GLYATL1B: variants seen among roughly 807,000 people sequenced by gnomAD.
GLYATL1B encodes the protein glycine-N-acyltransferase like 1B.
Under a neutral mutation model 5.5 loss-of-function variants are expected in GLYATL1B, and 6 were observed. The ratio of observed to expected loss-of-function variants is 1.09; its 90% CI spans 0.60 to 2.15. The LOEUF is 2.15. Ranked by LOEUF, GLYATL1B falls within the 30% of genes most tolerant of loss-of-function variation. The pLI, the probability that GLYATL1B is intolerant of heterozygous loss-of-function variation, is 0.00. For synonymous variants in GLYATL1B, 67 were observed against 34.9 expected (o/e 1.92, Z -3.24); for missense variants, 135 against 94.1 (o/e 1.43, Z -1.80).
intron 2 of GLYATL1B, among the ~76,000 whole-genome samples, chr11:59,089,115 A>G (rs1340631522): frequency 1.3e-5 from 2 of 152,170 alleles, no homozygotes; most frequent in Non-Finnish European, 2.9e-5. Flanking sequence ...TTCAGTTATG[A>G]TCTCTTCTGT....
At chr11:59,087,291 C>G in intron 2 of GLYATL1B, 120 bp downstream of exon 2, 1 of 432,590 alleles carries the variant, frequency 2.3e-6, no homozygotes, top group Non-Finnish European at 4.1e-6. Flanking sequence ...TTTTAAAACA[C>G]TCCTTCAGTA....
chr11:59,086,495 G>T (rs1859198081), intron 1 of GLYATL1B, 111 bp downstream of exon 1: 4 of 394,846 alleles, frequency 1.0e-5, no homozygotes, highest in Admixed American at 4.4e-5. Context: ...TTGGAGCTGG[G>T]AAACAGGATG....
At chr11:59,086,942 T>C in intron 1 of GLYATL1B, 122 bp from the exon 2 acceptor site, 1 of 436,024 alleles carries the variant, frequency 2.3e-6, no homozygotes, top group Non-Finnish European at 4.0e-6. Context: ...GCTGTTCATC[T>C]CATCATCACT....
chr11:59,088,572 G>C (rs538673470), intron 2 of GLYATL1B, among the ~76,000 whole-genome samples: 1 of 152,128 alleles, frequency 6.6e-6, no homozygotes, highest in African/African-American at 2.4e-5. Context: ...AGTGTCATAC[G>C]CTAAATAACT....
chr11:59,090,673 T>C (rs116553245), intron 2 of GLYATL1B, among the ~76,000 whole-genome samples: 2,422 of 152,190 alleles, frequency 0.016, 63 homozygotes, highest in African/African-American at 0.056. Flanking sequence ...GGGTGTTATT[T>C]GTTTTTGTTT....
At chr11:59,093,091 C>T (rs1446180844) in intron 2 of GLYATL1B, among the ~76,000 whole-genome samples, 2 of 152,138 alleles carry the variant, frequency 1.3e-5, no homozygotes, top group African/African-American at 4.8e-5. Context: ...GTATATATAA[C>T]AGGGGGATAT....
chr11:59,091,501 C>T (rs1395318164), intron 2 of GLYATL1B, among the ~76,000 whole-genome samples: 6 of 152,166 alleles, frequency 3.9e-5, no homozygotes, highest in Non-Finnish European at 8.8e-5. Flanking sequence ...CCTTTCCCTC[C>T]ACCCTCTAGA....
Position 59,094,451 on chromosome 11 carries a change from A to G in GLYATL1B, c.574A>G (p.Lys192Glu). The change falls in exon 5 of 5, where the codon AAG (lysine) becomes GAG (glutamate). Residue 192 changes from lysine (K) to glutamate (E), a missense_variant. Coordinates refer to ENST00000527482, the MANE Select transcript of GLYATL1B (RefSeq NM_001355566.1). ...TGACAACTGGAAGCTAGGGATGAAT[A>G]AGAGGAGCCTGCGTTACATCAAGCG... ...VNDNWKLGMN[K>E]RSLRYIKRCL... 2.8e-6 allele frequency: 2 copies of G among 702,868 alleles called. No homozygotes were observed. Among genetic ancestry groups the G allele is most frequent in the Non-Finnish European group, 5.2e-6 (2 of 384,648 alleles). The allele number at this position is 702,868 out of a possible 1,614,324, so 43.5% of individuals were successfully genotyped here. A position where few individuals can be genotyped will look rare whatever the true frequency, so the allele number is the denominator to read the frequency against.
At position 59,092,523 on chromosome 11, in the gene GLYATL1B, A is replaced by C. The variant is rs531801793; in HGVS notation, c.187-1006A>C. 2.6e-5 allele frequency among the ~76,000 whole-genome samples: 4 copies of C among 152,328 alleles called. No homozygotes were observed. The East Asian group carries it at 7.7e-4, about 29-fold the overall frequency. On this transcript the variant is annotated intron_variant, in intron 2 of 4. Transcript: ENST00000527482. ...CTTGCATTTATAAAAGCATCCTCAA[A>C]TTCTTGAAGGTTTCTTTAAAATTAG... is the stretch of plus-strand genomic sequence containing the variant.
chr11:59,090,388 T>C (rs1859283480), intron 2 of GLYATL1B, among the ~76,000 whole-genome samples: 1 of 152,060 alleles, frequency 6.6e-6, no homozygotes, highest in Non-Finnish European at 1.5e-5. Flanking sequence ...AATATTTTTG[T>C]GATACTAAAT....
intron 1 of GLYATL1B, among the ~76,000 whole-genome samples, 172 bp downstream of exon 1, chr11:59,086,556 C>T (rs1590869335): frequency 1.3e-5 from 2 of 152,034 alleles, no homozygotes; most frequent in Non-Finnish European, 2.9e-5. Context: ...TCCTCGGCAA[C>T]AGGCAACTAG....
intron 2 of GLYATL1B, among the ~76,000 whole-genome samples, chr11:59,088,153 A>C (rs2135381488): frequency 6.6e-6 from 1 of 152,334 alleles, no homozygotes; most frequent in East Asian, 1.9e-4. Flanking sequence ...AAATGGGAAA[A>C]ATAGGAGGAC....
At chr11:59,092,661 C>T (rs762425231) in intron 2 of GLYATL1B, among the ~76,000 whole-genome samples, 4 of 152,214 alleles carry the variant, frequency 2.6e-5, no homozygotes, top group Non-Finnish European at 5.9e-5. Flanking sequence ...AACAGATACT[C>T]ATCGTCCCAT....
At chr11:59,088,686 T>C (rs371012982) in intron 2 of GLYATL1B, among the ~76,000 whole-genome samples, 1 of 152,340 alleles carries the variant, frequency 6.6e-6, no homozygotes, top group South Asian at 2.1e-4. Context: ...TATGCATTGC[T>C]TTGAACAAGG....
chr11:59,086,359 C>A lies in GLYATL1B; in HGVS notation c.53C>A (p.Ala18Glu), dbSNP rs1381283319. The A allele has an allele frequency of 1.0e-5, 4 of 398,846 alleles. No homozygotes were observed. Among genetic ancestry groups the A allele is most frequent in the Non-Finnish European group, 1.8e-5 (4 of 225,860 alleles). 24.7% of individuals were successfully genotyped at this position (398,846 alleles called of 1,614,324 possible). The change falls in exon 1 of 5, where the codon GCA (alanine) becomes GAA (glutamate). Residue 18 changes from alanine to glutamate, a missense_variant. Physicochemically the swap from Ala to Glu is moderately radical, Grantham distance 107. Transcript: ENST00000527482. Reference protein sequence around the residue: ...ERLLALFKSLARSIPESLKVY... With the variant: ...ERLLALFKSLERSIPESLKVY... ...CTGCTGGCCCTATTCAAATCTTTAG[C>A]AAGGAGCATTCCTGAGTCCCTGAAG...
chr11:59,092,482 T>C lies in GLYATL1B; in HGVS notation c.187-1047T>C, dbSNP rs1859336283. Among the ~76,000 whole-genome samples the C allele has an allele frequency of 2.0e-5, 3 of 152,342 alleles. 1 individual carries two copies. The South Asian group carries it at 6.2e-4, about 32-fold the overall frequency. ...TTAAATTCACTGAGGTGTTGTGTTT[T>C]GGCCATATTCAGGAACTTGCATTTA... On this transcript the variant is annotated intron_variant, in intron 2 of 4. Coordinates refer to ENST00000527482, the MANE Select transcript of GLYATL1B (RefSeq NM_001355566.1).
chr11:59,094,384 T>C lies in GLYATL1B; in HGVS notation c.507T>C (p.Phe169=). 1 of 561,292 alleles carries C rather than the reference T, an allele frequency of 1.8e-6. No individual in the cohort carries two copies. The highest frequency in any genetic ancestry group is 3.4e-5 in the South Asian group (1 of 29,458). 34.8% of individuals were successfully genotyped at this position (561,292 alleles called of 1,614,324 possible). A position where few individuals can be genotyped will look rare whatever the true frequency, so the allele number is the denominator to read the frequency against. The stretch of plus-strand genomic sequence containing the variant: ...TTTTCTACAGCGAGACTCCGAACTT[T>C]AAGTATGCCCAGCTGAATGTGTCTT... ...DDELESETPN[F]KYAQLNVSYS... The change falls in exon 5 of 5, where the codon TTT becomes TTC. Residue 169 remains phenylalanine, a synonymous_variant. Transcript: ENST00000527482.
At chr11:59,092,865 C>T (rs1859346021) in intron 2 of GLYATL1B, among the ~76,000 whole-genome samples, 3 of 152,218 alleles carry the variant, frequency 2.0e-5, no homozygotes, top group Admixed American at 2.0e-4. Context: ...GGCAATGTCT[C>T]CTTAATGTTT....
chr11:59,088,326 AT>A (rs1859234214), intron 2 of GLYATL1B, among the ~76,000 whole-genome samples: 1 of 152,148 alleles, frequency 6.6e-6, no homozygotes, highest in South Asian at 2.1e-4. Flanking sequence ...ACCTAGGTCT[AT>A]TTTTTGGCCC....
Sources: gnomAD v4.1 joint callset for allele counts (sites outside exome capture counted in the v4.1 genomes callset) on GRCh38, gnomAD v4.1.1 for gene constraint, MANE v1.5 for transcripts, NCBI Gene and HGNC (gene_info 2026-07-23, HGNC 2026-07-21) for gene names.